The following KIF13A variants were observed in gnomAD, a reference collection of about 807,000 sequenced individuals.
KIF13A encodes kinesin family member 13A.
In KIF13A, 79 loss-of-function variants were observed where a neutral mutation model predicts 212.2. The observed-to-expected ratio is 0.37, with a 90% CI of 0.31 to 0.45. The LOEUF (loss-of-function observed/expected upper bound fraction) is 0.45, where lower values mean the gene tolerates loss of function less well. Ranked by LOEUF, KIF13A falls within the 20% of genes least tolerant of loss-of-function variation. The pLI, the probability that KIF13A is intolerant of heterozygous loss-of-function variation, is 1.00. For missense variants in KIF13A, 1,901 were observed against 2,209.0 expected (o/e 0.86, Z 2.79); for synonymous variants, 789 against 808.6 (o/e 0.98, Z 0.41).
chr6:17,865,580 A>T (rs680092), intron 4 of KIF13A, among the ~76,000 whole-genome samples: 1 of 151,988 alleles, frequency 6.6e-6, no homozygotes, highest in African/African-American at 2.4e-5. Context: ...CTTTCTCAAA[A>T]ATCTTTGGTG....
intron 9 of KIF13A, among the ~76,000 whole-genome samples, chr6:17,844,564 A>G (rs896738199): frequency 2.0e-5 from 3 of 152,190 alleles, no homozygotes; most frequent in Admixed American, 2.0e-4. Flanking sequence ...TTCTTTCTCA[A>G]AATAACTTGT....
chr6:17,788,507 CA>C (rs1761247521), intron 26 of KIF13A, among the ~76,000 whole-genome samples: 1 of 152,172 alleles, frequency 6.6e-6, no homozygotes, highest in Non-Finnish European at 1.5e-5. Flanking sequence ...AGGAAGCGCA[CA>C]AACAGCCGCA....
At chr6:17,760,670 G>T, downstream of KIF13A, 1 of 604,226 alleles carries the variant, frequency 1.7e-6, no homozygotes, top group Non-Finnish European at 3.0e-6. Context: ...AAGTGACAAA[G>T]TGCCGCTTCT....
chr6:17,789,274 A>C lies in KIF13A; in HGVS notation c.3261+598T>G, dbSNP rs909303772. ...CAGAAAAAGCTGAGATTTAAATTCT[A>C]TAGGTTATGGAGAACTAAGTGTGAC... On this transcript the variant is annotated intron_variant, in intron 26 of 38. Coordinates refer to ENST00000259711, the MANE Select transcript of KIF13A (RefSeq NM_022113.6). The surrounding 1 kb of genome is among the most constrained non-coding windows in gnomAD (Gnocchi z 4.8). Among the ~76,000 whole-genome samples, 7 of 152,228 alleles carry C rather than the reference A, an allele frequency of 4.6e-5. No individual in the cohort carries two copies. Among genetic ancestry groups the C allele is most frequent in the Non-Finnish European group, 8.8e-5 (6 of 68,042 alleles).
intron 6 of KIF13A, among the ~76,000 whole-genome samples, chr6:17,854,059 T>C (rs1174137348): frequency 6.6e-6 from 1 of 152,222 alleles, no homozygotes; most frequent in Admixed American, 6.5e-5. Flanking sequence ...AACAGCTTCT[T>C]AAGAGTAAAT....
Position 17,886,785 on chromosome 6 carries a change from A to C in KIF13A, c.159+11383T>G, listed in dbSNP as rs1195827836. On this transcript the variant is annotated intron_variant, in intron 3 of 38. Transcript: ENST00000259711. The surrounding 1 kb of genome is among the most constrained non-coding windows in gnomAD (Gnocchi z 5.6). ...CCATTGCACTCCAGCCTGGGCAACA[A>C]GGGCGAAACTCCATCTCAAAACAAC... Among the ~76,000 whole-genome samples, 1 of 152,026 alleles carries C rather than the reference A, an allele frequency of 6.6e-6. No individual in the cohort carries two copies. The highest frequency in any genetic ancestry group is 2.4e-5 in the African/African-American group (1 of 41,392).
chr6:17,771,848 G>A lies in KIF13A; in HGVS notation c.4476+60C>T, dbSNP rs963566171. On this transcript the variant is annotated intron_variant, in intron 37 of 38. Transcript: ENST00000259711. This position sits in a 1 kb window ranked among gnomAD's most constrained non-coding sequence, Gnocchi z 5.4. ...ACTCAGCTTGTTAATGCACACTGCT[G>A]CTTCACAGGTGACACAACTCTGCTC... 1 of 1,543,380 alleles carries A rather than the reference G, an allele frequency of 6.5e-7. No individual in the cohort carries two copies. The highest frequency in any genetic ancestry group is 1.4e-5 in the African/African-American group (1 of 73,426).
In KIF13A at chr6:17,982,409, G is replaced by A. The variant is rs1781172213; in HGVS notation, c.146+4645C>T. The A allele has an allele frequency of 2.0e-6, 2 of 983,724 alleles. No homozygotes were observed. The highest frequency in any genetic ancestry group is 6.2e-5 in the Admixed American group (1 of 16,246). The allele number at this position is 983,724 out of a possible 1,614,324, so 60.9% of individuals were successfully genotyped here. ...CACTGTGTCTGGCCCCCAGGATTTG[G>A]AGCATTTTAGATTTCAGATGTTCAG... On this transcript the variant is annotated intron_variant, in intron 2 of 38. Coordinates refer to ENST00000259711, the MANE Select transcript of KIF13A (RefSeq NM_022113.6). This position sits in a 1 kb window ranked among gnomAD's most constrained non-coding sequence, Gnocchi z 5.1.
chr6:17,779,144 GT>G lies in KIF13A; in HGVS notation c.3940-46del, dbSNP rs757188853. 1.9e-6 allele frequency: 3 copies of G among 1,561,270 alleles called. No homozygotes were observed. The South Asian group carries it at 3.4e-5, about 18-fold the overall frequency. On this transcript the variant is annotated intron_variant, in intron 32 of 38. Coordinates refer to ENST00000259711, the MANE Select transcript of KIF13A (RefSeq NM_022113.6). ...GTGACAATACTTTGATGTGAACAAC[GT>G]TTTCATCCAAAGTGTGGTGAGAAAA...
rs888527215 is a variant in KIF13A at position 17,926,909 on chromosome 6, A to T, written c.147-28729T>A. Reference sequence around the variant, plus strand: ...TCTCGGCACTTTGGGAGGTCGAGGCAGGCAGATCACTTCAGATCAGGAGTT... The same window carrying T: ...TCTCGGCACTTTGGGAGGTCGAGGCTGGCAGATCACTTCAGATCAGGAGTT... On this transcript the variant is annotated intron_variant, in intron 2 of 38. Coordinates refer to ENST00000259711, the MANE Select transcript of KIF13A (RefSeq NM_022113.6). This position sits in a 1 kb window ranked among gnomAD's most constrained non-coding sequence, Gnocchi z 4.3. Among the ~76,000 whole-genome samples, 34 of 152,108 alleles carry T rather than the reference A, an allele frequency of 2.2e-4. 1 individual carries two copies. Among genetic ancestry groups the T allele is most frequent in the African/African-American group, 7.5e-4 (31 of 41,434 alleles).
chr6:17,911,009 C>T (rs960867978), intron 2 of KIF13A, among the ~76,000 whole-genome samples: 3 of 152,116 alleles, frequency 2.0e-5, no homozygotes, highest in African/African-American at 4.8e-5. Context: ...ATGATCCGCC[C>T]GCCTCAGCCT....
chr6:17,781,841 T>G (rs1760616198), intron 29 of KIF13A, among the ~76,000 whole-genome samples: 1 of 152,120 alleles, frequency 6.6e-6, no homozygotes, highest in African/African-American at 2.4e-5. Flanking sequence ...TTGCCCAGGC[T>G]GGTCTCCAAC....
At chr6:17,782,292 A>G (rs1397567329) in intron 29 of KIF13A, among the ~76,000 whole-genome samples, 1 of 152,160 alleles carries the variant, frequency 6.6e-6, no homozygotes, top group Admixed American at 6.5e-5. Context: ...AGTCTCCTAT[A>G]AGATGGAATG....
In KIF13A at chr6:17,831,162, C is replaced by T. The variant is rs769743376; in HGVS notation, c.1340G>A (p.Cys447Tyr). 2 of 1,613,620 alleles carry T rather than the reference C, an allele frequency of 1.2e-6. No individual in the cohort carries two copies. Among genetic ancestry groups the T allele is most frequent in the Non-Finnish European group, 8.5e-7 (1 of 1,179,554 alleles). ...GTCTGCATTCAGATTGACTAAGTAG[C>T]ATTTGTCATCCCCCACCTTGATACC... The part of the protein sequence containing the change: ...MSGIKVGDDK[C>Y]YLVNLNADPA... The change falls in exon 13 of 39, where the codon TGC becomes TAC. Residue 447 changes from cysteine to tyrosine, a missense_variant. Around this residue, in one of 5 missense-constraint regions of KIF13A, gnomAD observed 506 missense variants for 637.4 expected, o/e 0.79. Coordinates refer to ENST00000259711, the MANE Select transcript of KIF13A (RefSeq NM_022113.6).
chr6:17,940,445 T>C (rs1016862177), intron 2 of KIF13A, among the ~76,000 whole-genome samples: 4 of 152,324 alleles, frequency 2.6e-5, no homozygotes, highest in African/African-American at 9.6e-5. Context: ...TTACATATGG[T>C]AGGAAAACGC....
rs1781650832 is a variant in KIF13A, at chr6:17,987,214, G to A, written c.56-70C>T. 3.8e-6 allele frequency: 5 copies of A among 1,327,374 alleles called. No homozygotes were observed. The East Asian group carries it at 8.2e-5, about 22-fold the overall frequency. 82.2% of individuals were successfully genotyped at this position (1,327,374 alleles called of 1,614,324 possible). On this transcript the variant is annotated intron_variant, in intron 1 of 38. Coordinates refer to ENST00000259711, the MANE Select transcript of KIF13A (RefSeq NM_022113.6). The surrounding 1 kb of genome is among the most constrained non-coding windows in gnomAD (Gnocchi z 7.7). ...CCTCCAGCCCGCCCGCCCGCCAGCCGCGCCGAGCGGGGCTCCGTCCCTGGA... is the reference window on the plus strand; with the variant it reads ...CCTCCAGCCCGCCCGCCCGCCAGCCACGCCGAGCGGGGCTCCGTCCCTGGA...
At chr6:17,818,408 T>C (rs556433770) in intron 16 of KIF13A, among the ~76,000 whole-genome samples, 214 of 152,302 alleles carry the variant, frequency 1.4e-3, no homozygotes, top group Admixed American at 3.7e-3. Context: ...AAAATACACA[T>C]GTAAATTGTA....
intron 16 of KIF13A, among the ~76,000 whole-genome samples, chr6:17,823,907 A>ATTTAAAT (rs1764697245): frequency 7.0e-6 from 1 of 141,972 alleles, no homozygotes; most frequent in East Asian, 2.1e-4. Context: ...CTGGCGTTTA[A>ATTTAAAT]TTTAAATTTC....
rs1027545761 is a variant in KIF13A, at chr6:17,912,970, C to T, written c.147-14790G>A. Among the ~76,000 whole-genome samples the T allele has an allele frequency of 3.3e-5, 5 of 151,480 alleles. No individual in the cohort carries two copies. Among genetic ancestry groups the T allele is most frequent in the East Asian group, 1.9e-4 (1 of 5,158 alleles). ...TTTCTAATTATTTTTATTTTTTATA[C>T]GAGATAGGGTCTCACTATATTGCTC... On this transcript the variant is annotated intron_variant, in intron 2 of 38. Transcript: ENST00000259711. This position sits in a 1 kb window ranked among gnomAD's most constrained non-coding sequence, Gnocchi z 4.2.
Sources: gnomAD v4.1 joint callset for allele counts (sites outside exome capture counted in the v4.1 genomes callset) on GRCh38, gnomAD v4.1.1 for gene constraint, gnomAD v4.1.1 regional missense constraint, Gnocchi (gnomAD v3.1) non-coding constraint, MANE v1.5 for transcripts, NCBI Gene and HGNC (gene_info 2026-07-23, HGNC 2026-07-21) for gene names.